CCDC148: variants seen among roughly 807,000 people sequenced by gnomAD.
CCDC148 encodes the protein coiled-coil domain-containing protein 148.
A neutral mutation model predicts 85.7 loss-of-function variants in CCDC148; 89 were observed. That is an observed-to-expected ratio of 1.04 (90% confidence interval 0.87 to 1.24). The LOEUF (loss-of-function observed/expected upper bound fraction) is 1.24. CCDC148 is among the 50% of genes most tolerant of loss of function. The pLI is 0.00. For synonymous variants in CCDC148, 230 were observed against 213.9 expected (o/e 1.08, Z -0.66); for missense variants, 692 against 671.7 (o/e 1.03, Z -0.33).
intron 1 of CCDC148, among the ~76,000 whole-genome samples, chr2:158,421,238 A>C (rs1416624263): frequency 7.2e-5 from 11 of 152,126 alleles, no homozygotes; most frequent in African/African-American, 1.7e-4. Context: ...CCAAGCAGAC[A>C]TAATAGACAT....
intron 1 of CCDC148, among the ~76,000 whole-genome samples, chr2:158,390,461 GTGGGGCTGCAAATTAACTGT>G (rs1685257773): frequency 6.6e-6 from 1 of 152,110 alleles, no homozygotes; most frequent in African/African-American, 2.4e-5. Context: ...AAAAAGAGTG[GTGGGGCTGCAAATTAACTGT>G]TGCAGCAGAA....
At chr2:158,323,095 T>C (rs938331959) in intron 7 of CCDC148, among the ~76,000 whole-genome samples, 11 of 152,136 alleles carry the variant, frequency 7.2e-5, no homozygotes, top group Admixed American at 5.2e-4. Context: ...ACAGCCCAAA[T>C]AGAATCTAAA....
chr2:158,422,212 G>T (rs575195420), intron 1 of CCDC148, among the ~76,000 whole-genome samples: 83 of 152,264 alleles, frequency 5.5e-4, no homozygotes, highest in African/African-American at 1.9e-3. Context: ...AATAGAAAAA[G>T]AGGGAATCCT....
At chr2:158,230,539 G>C (rs1429982148) in intron 10 of CCDC148, among the ~76,000 whole-genome samples, 2 of 152,188 alleles carry the variant, frequency 1.3e-5, no homozygotes, top group African/African-American at 4.8e-5. Context: ...CATAGGTTAA[G>C]ACTAGAAGCG....
chr2:158,266,901 T>C (rs1202343179), intron 9 of CCDC148, among the ~76,000 whole-genome samples: 1 of 128,396 alleles, frequency 7.8e-6, no homozygotes, highest in African/African-American at 2.7e-5. Context: ...TTTACATATA[T>C]ATATACACAC....
At chr2:158,350,675 G>T (rs1251801879) in intron 2 of CCDC148, among the ~76,000 whole-genome samples, 1 of 151,764 alleles carries the variant, frequency 6.6e-6, no homozygotes, top group Non-Finnish European at 1.5e-5. Flanking sequence ...AATTGGGGTG[G>T]GATAATGCAT....
chr2:158,293,198 G>C (rs1012913979), intron 9 of CCDC148, among the ~76,000 whole-genome samples: 1 of 152,096 alleles, frequency 6.6e-6, no homozygotes, highest in Non-Finnish European at 1.5e-5. Flanking sequence ...TATGGGAGAT[G>C]AGCACTAGGA....
chr2:158,318,878 T>C (rs1284594378), intron 7 of CCDC148, among the ~76,000 whole-genome samples: 1 of 149,626 alleles, frequency 6.7e-6, no homozygotes, highest in African/African-American at 2.6e-5. Flanking sequence ...CAAGCAGTCC[T>C]TCTGCCTTAG....
chr2:158,408,716 C>T (rs1686129642), intron 1 of CCDC148, among the ~76,000 whole-genome samples: 1 of 151,972 alleles, frequency 6.6e-6, no homozygotes, highest in South Asian at 2.1e-4. Context: ...ACTAATATTG[C>T]AATTAACTGA....
chr2:158,303,888 A>G (rs1691563010), intron 9 of CCDC148, among the ~76,000 whole-genome samples: 1 of 152,196 alleles, frequency 6.6e-6, no homozygotes, highest in African/African-American at 2.4e-5. Flanking sequence ...ATTGAAGAGA[A>G]TATCAGGAAA....
At chr2:158,420,845 C>T (rs1427596776) in intron 1 of CCDC148, among the ~76,000 whole-genome samples, 2 of 151,862 alleles carry the variant, frequency 1.3e-5, no homozygotes, top group Admixed American at 1.3e-4. Context: ...AGACCCATCT[C>T]ACGTGCACAG....
At chr2:158,250,981 G>A (rs1403898380) in intron 9 of CCDC148, 69 bp from the exon 10 acceptor site, 39 of 1,404,094 alleles carry the variant, frequency 2.8e-5, no homozygotes, top group Non-Finnish European at 3.6e-5. Context: ...GTCATAATAA[G>A]ACTAGGCTCT....
At chr2:158,298,877 A>G (rs772930025) in intron 9 of CCDC148, among the ~76,000 whole-genome samples, 1 of 152,114 alleles carries the variant, frequency 6.6e-6, no homozygotes, top group African/African-American at 2.4e-5. Flanking sequence ...TTCCTTGATT[A>G]TCTATCTGAT....
chr2:158,210,255 G>A (rs1686489381), intron 11 of CCDC148, among the ~76,000 whole-genome samples: 1 of 152,130 alleles, frequency 6.6e-6, no homozygotes, highest in African/African-American at 2.4e-5. Flanking sequence ...GCAACAAGAA[G>A]AGCGAGCTAT....
At chr2:158,185,232 G>C in intron 11 of CCDC148, among the ~76,000 whole-genome samples, 1 of 152,112 alleles carries the variant, frequency 6.6e-6, no homozygotes, top group Non-Finnish European at 1.5e-5. Flanking sequence ...TCTCAGGCTT[G>C]GATAAGTGCT....
chr2:158,443,515 A>AAAAAAAAAAAAAAG (rs1553524474), intron 1 of CCDC148, among the ~76,000 whole-genome samples: 66 of 100,810 alleles, frequency 6.5e-4, no homozygotes, highest in East Asian at 2.1e-3. Context: ...AAAAAAAAAA[A>AAAAAAAAAAAAAAG]AAAAAAAAGA....
intron 10 of CCDC148, among the ~76,000 whole-genome samples, chr2:158,242,954 C>A (rs79994563): frequency 0.16 from 24,332 of 151,846 alleles, 2,495 homozygotes; most frequent in Middle Eastern, 0.25. Context: ...CTGGGAACTT[C>A]CTCTCCCCAG....
intron 10 of CCDC148, among the ~76,000 whole-genome samples, chr2:158,231,631 A>G (rs1361407640): frequency 6.6e-6 from 1 of 152,074 alleles, no homozygotes; most frequent in Non-Finnish European, 1.5e-5. Flanking sequence ...GTACCTTCTA[A>G]GGCATTATTT....
intron 11 of CCDC148, among the ~76,000 whole-genome samples, chr2:158,200,194 C>T (rs1217938161): frequency 6.6e-6 from 1 of 152,172 alleles, no homozygotes; most frequent in Non-Finnish European, 1.5e-5. Flanking sequence ...TTACATCTCA[C>T]TGGTTTATTT....
Sources: gnomAD v4.1 joint callset for allele counts (sites outside exome capture counted in the v4.1 genomes callset) on GRCh38, gnomAD v4.1.1 for gene constraint, MANE v1.5 for transcripts, NCBI Gene and HGNC (gene_info 2026-07-23, HGNC 2026-07-21) for gene names.